The following RAD52 variants were observed in gnomAD, a reference collection of about 807,000 sequenced individuals.
RAD52 encodes RAD52 DNA repair protein, also known as DNA repair protein RAD52 homolog.
In RAD52, 47 loss-of-function variants were observed where a neutral mutation model predicts 55.5. The observed-to-expected ratio is 0.85, with a 90% CI of 0.67 to 1.08. The LOEUF is 1.08. Among genes scored for constraint, RAD52 ranks in the 50% least tolerant of loss-of-function variants. The probability of loss-of-function intolerance (pLI) is 0.00; values close to 1 mark genes in which losing one functional copy is unlikely to be tolerated. For missense variants in RAD52, 468 were observed against 522.8 expected (o/e 0.90, Z 1.02); for synonymous variants, 184 against 198.9 (o/e 0.92, Z 0.63).
chr12:945,824 A>G (rs1013904751), intron 1 of RAD52, among the ~76,000 whole-genome samples: 1 of 148,460 alleles, frequency 6.7e-6, no homozygotes, highest in South Asian at 2.3e-4. Context: ...GGAGTTCGAG[A>G]CCAGCCCGGC....
rs538278081 is a variant in RAD52 at position 956,268 on chromosome 12, C to T, written c.-18-23192G>A. On this transcript the variant is annotated intron_variant, in intron 1 of 11. Coordinates refer to the RAD52 transcript ENST00000430095. ...ACCCATAATTCTGACGTCGTTAGAA[C>T]CAGGTTCAGCCTCTGAACCTGTCGT... 3.0e-4 allele frequency among the ~76,000 whole-genome samples: 46 copies of T among 152,294 alleles called. 1 individual carries two copies. In the South Asian group the frequency reaches 8.3e-3, roughly 27 times the overall value.
intron 7 of RAD52, 57 bp downstream of exon 7, chr12:925,393 A>G (rs1056037095): frequency 3.2e-5 from 46 of 1,426,022 alleles, no homozygotes; most frequent in Non-Finnish European, 4.2e-5. Context: ...TACTCAACCC[A>G]TGACACACAA....
At chr12:953,636 A>G (rs1008327437), upstream of RAD52, among the ~76,000 whole-genome samples, 2 of 152,216 alleles carry the variant, frequency 1.3e-5, no homozygotes, top group Non-Finnish European at 2.9e-5. Context: ...TGGGACTTAG[A>G]GCCTCAAGAA....
At chr12:957,936 C>T (rs950215873) in intron 1 of RAD52, among the ~76,000 whole-genome samples, 6 of 152,236 alleles carry the variant, frequency 3.9e-5, no homozygotes, top group Non-Finnish European at 7.3e-5. Context: ...TGCTGAATCT[C>T]GTTGTGGGCA....
In RAD52 at chr12:930,122, C is replaced by T. The variant is rs755243559; in HGVS notation, c.209G>A (p.Arg70Gln). The change falls in exon 4 of 12, where the codon CGG becomes CAG. Residue 70 changes from arginine to glutamine, a missense_variant. Transcript: ENST00000358495. ...GQKVCYIEGH[R>Q]VINLANEMFG... Reference sequence around the variant, plus strand: ...CATCTCATTGGCCAGATTAATTACCCGATGACCCTCAATGTAGCACACCTA... The same window carrying T: ...CATCTCATTGGCCAGATTAATTACCTGATGACCCTCAATGTAGCACACCTA... 10 of 1,613,738 alleles carry T rather than the reference C, an allele frequency of 6.2e-6. No individual in the cohort carries two copies. Among genetic ancestry groups the T allele is most frequent in the South Asian group, 4.4e-5 (4 of 91,064 alleles).
At chr12:936,534 C>T (rs1332646940) in intron 1 of RAD52, among the ~76,000 whole-genome samples, 1 of 151,230 alleles carries the variant, frequency 6.6e-6, no homozygotes, top group Non-Finnish European at 1.5e-5. Context: ...GCTCTGTTAC[C>T]CAGGCTGGAA....
intron 10 of RAD52, 48 bp downstream of exon 10, chr12:914,383 A>C: frequency 6.2e-7 from 1 of 1,606,060 alleles, no homozygotes. Flanking sequence ...TTCTGTGGCT[A>C]CTAGAAACAT....
chr12:972,253 A>T (rs1222497869), intron 1 of RAD52, among the ~76,000 whole-genome samples: 1 of 152,198 alleles, frequency 6.6e-6, no homozygotes, highest in Non-Finnish European at 1.5e-5. Flanking sequence ...GAGACTGAAG[A>T]TAAGCAAGCA....
intron 1 of RAD52, among the ~76,000 whole-genome samples, chr12:944,167 G>T (rs1394140938): frequency 6.6e-6 from 1 of 151,994 alleles, no homozygotes; most frequent in Non-Finnish European, 1.5e-5. Context: ...AGTGAGAAGA[G>T]ATCACCCCAC....
intron 1 of RAD52, among the ~76,000 whole-genome samples, chr12:947,535 G>A (rs1958305865): frequency 7.0e-6 from 1 of 142,066 alleles, no homozygotes. Context: ...TGTAAGCCCA[G>A]TTACCGAGGA....
intron 1 of RAD52, among the ~76,000 whole-genome samples, chr12:947,136 A>C (rs1037162867): frequency 6.7e-6 from 1 of 149,498 alleles, no homozygotes; most frequent in Non-Finnish European, 1.5e-5. Flanking sequence ...AGACCAGCGT[A>C]ACCAACATGG....
intron 1 of RAD52, among the ~76,000 whole-genome samples, chr12:964,238 G>C (rs934763551): frequency 2.2e-4 from 34 of 152,156 alleles, no homozygotes; most frequent in Non-Finnish European, 1.8e-4. Flanking sequence ...TGGCTGCTAT[G>C]TTGAAAAGAA....
chr12:930,981 A>AAT (rs1592376250), intron 3 of RAD52, among the ~76,000 whole-genome samples: 2 of 151,768 alleles, frequency 1.3e-5, no homozygotes, highest in South Asian at 2.1e-4. Flanking sequence ...TAAAAATAAA[A>AAT]AAAAAAAAAG....
At chr12:926,699 A>G in intron 6 of RAD52, 1 of 1,281,180 alleles carries the variant, frequency 7.8e-7, no homozygotes, top group Non-Finnish European at 1.1e-6. Context: ...AACCTCCTTT[A>G]TTTATAAATT....
intron 1 of RAD52, among the ~76,000 whole-genome samples, chr12:936,485 T>TAAAAAA (rs71055107): frequency 7.4e-6 from 1 of 134,386 alleles, no homozygotes; most frequent in Non-Finnish European, 1.6e-5. Context: ...ATTATAAAAG[T>TAAAAAA]AAAAAAAAAA....
intron 1 of RAD52, among the ~76,000 whole-genome samples, chr12:988,739 C>T (rs1294975345): frequency 1.3e-5 from 2 of 152,158 alleles, no homozygotes; most frequent in African/African-American, 4.8e-5. Context: ...CTCCAAGGAA[C>T]AAATCCATTC....
chr12:955,967 G>C (rs942118240), intron 1 of RAD52, among the ~76,000 whole-genome samples: 1 of 152,018 alleles, frequency 6.6e-6, no homozygotes, highest in Non-Finnish European at 1.5e-5. Context: ...TTTTAGTAGA[G>C]AGAGGGTTTC....
intron 1 of RAD52, among the ~76,000 whole-genome samples, chr12:957,665 C>G (rs530678399): frequency 2.0e-5 from 3 of 151,984 alleles, no homozygotes; most frequent in East Asian, 1.9e-4. Flanking sequence ...TGGCACACAC[C>G]TGTGGTCCCA....
chr12:988,828 G>GC (rs1959125875), intron 1 of RAD52, among the ~76,000 whole-genome samples: 1 of 150,922 alleles, frequency 6.6e-6, no homozygotes, highest in Non-Finnish European at 1.5e-5. Context: ...TGAAGAATCT[G>GC]CCCCCATGAC....
Sources: allele counts gnomAD v4.1 joint callset (sites outside exome capture counted in the v4.1 genomes callset), GRCh38; gene constraint gnomAD v4.1.1; transcripts MANE v1.5; gene names NCBI Gene and HGNC (gene_info 2026-07-23, HGNC 2026-07-21).